Variants in CPA6 observed in about 807,000 individuals in gnomAD.
The protein encoded by CPA6 is carboxypeptidase A6, also known as carboxypeptidase B.
In CPA6, 58 loss-of-function variants were observed where a neutral mutation model predicts 63.3. That is an observed-to-expected ratio of 0.92 (90% CI 0.74 to 1.14). The LOEUF is 1.14. Ranked by LOEUF, CPA6 falls within the 50% of genes most tolerant of loss-of-function variation. The pLI, the probability that CPA6 is intolerant of heterozygous loss-of-function variation, is 0.00. For synonymous variants in CPA6, 185 were observed against 179.0 expected, an observed-to-expected ratio of 1.03 and a Z score of -0.27; for missense variants, 565 against 526.6, an observed-to-expected ratio of 1.07 and a Z score of -0.71.
At chr8:67,499,042 A>G (rs552793869) in intron 6 of CPA6, among the ~76,000 whole-genome samples, 3 of 152,252 alleles carry the variant, frequency 2.0e-5, no homozygotes, top group Non-Finnish European at 4.4e-5. Context: ...GCAATTTTCA[A>G]AATAATAAAA....
At position 67,610,445 on chromosome 8, in the gene CPA6, A is replaced by G. The variant is rs1440130438; in HGVS notation, c.192+13731T>C. Reference sequence around the variant, plus strand: ...ACCATTTCCCCCCAAGTCTCTCAGCACCTCCTCAGTTATTCACATTATTCT... The same window carrying G: ...ACCATTTCCCCCCAAGTCTCTCAGCGCCTCCTCAGTTATTCACATTATTCT... On this transcript the variant is annotated intron_variant, in intron 2 of 10. Transcript: ENST00000297770. 3.3e-5 allele frequency among the ~76,000 whole-genome samples: 5 copies of G among 152,096 alleles called. No individual in the cohort carries two copies. The East Asian group carries it at 9.6e-4, about 29-fold the overall frequency.
chr8:67,711,387 A>G (rs1312587993), intron 1 of CPA6, among the ~76,000 whole-genome samples: 2 of 152,238 alleles, frequency 1.3e-5, no homozygotes, highest in Non-Finnish European at 2.9e-5. Context: ...TACAGAAAAT[A>G]TCAGATTTAT....
intron 1 of CPA6, among the ~76,000 whole-genome samples, chr8:67,689,273 T>G (rs2380429): frequency 2.0e-5 from 1 of 51,050 alleles, no homozygotes; most frequent in Non-Finnish European, 3.4e-5. Flanking sequence ...AACTTCTTCT[T>G]CAAAAAAATT....
intron 2 of CPA6, among the ~76,000 whole-genome samples, chr8:67,604,346 G>A (rs1171691521): frequency 6.6e-5 from 10 of 152,100 alleles, no homozygotes; most frequent in Non-Finnish European, 1.2e-4. Flanking sequence ...AGAAGGAAGC[G>A]GTGGTTATTC....
chr8:67,456,343 C>T (rs1195371277), intron 8 of CPA6, among the ~76,000 whole-genome samples: 1 of 152,284 alleles, frequency 6.6e-6, no homozygotes, highest in Non-Finnish European at 1.5e-5. Flanking sequence ...TACAAATTGT[C>T]GTGTATGGCA....
chr8:67,593,835 C>G (rs1193692836), intron 2 of CPA6, among the ~76,000 whole-genome samples: 2 of 148,588 alleles, frequency 1.3e-5, no homozygotes, highest in Non-Finnish European at 1.5e-5. Context: ...GACTCTTTAT[C>G]CAACTTGCCA....
intron 8 of CPA6, among the ~76,000 whole-genome samples, chr8:67,482,787 T>C (rs1811386862): frequency 6.6e-6 from 1 of 152,256 alleles, no homozygotes; most frequent in Non-Finnish European, 1.5e-5. Context: ...ACTGAGCTAG[T>C]AATGGTAGAA....
intron 3 of CPA6, 67 bp from the exon 4 acceptor site, chr8:67,511,722 G>A: frequency 3.4e-6 from 3 of 871,712 alleles, no homozygotes; most frequent in Admixed American, 1.8e-5. Context: ...GCAACACCCA[G>A]AAAAAATCAT....
intron 6 of CPA6, among the ~76,000 whole-genome samples, chr8:67,496,553 A>T (rs868340932): frequency 9.1e-5 from 11 of 120,422 alleles, no homozygotes; most frequent in Non-Finnish European, 1.7e-4. Context: ...ATATATATAT[A>T]TATATTTATT....
At chr8:67,594,072 A>C (rs911219158) in intron 2 of CPA6, among the ~76,000 whole-genome samples, 8 of 151,872 alleles carry the variant, frequency 5.3e-5, no homozygotes, top group Non-Finnish European at 1.2e-4. Context: ...CTTGTAGGGC[A>C]GGCCTGGTGG....
intron 1 of CPA6, among the ~76,000 whole-genome samples, chr8:67,687,254 C>T (rs1816726243): frequency 6.6e-6 from 1 of 152,190 alleles, no homozygotes; most frequent in Non-Finnish European, 1.5e-5. Context: ...GGGCCTCAGT[C>T]CTGAGCCTTG....
chr8:67,616,334 G>C (rs1311890897), intron 2 of CPA6, among the ~76,000 whole-genome samples: 2 of 152,134 alleles, frequency 1.3e-5, no homozygotes, highest in East Asian at 3.9e-4. Flanking sequence ...ACTACAGTAT[G>C]GAGAACAAAT....
At chr8:67,631,766 T>G (rs1052447738) in intron 1 of CPA6, among the ~76,000 whole-genome samples, 1 of 152,124 alleles carries the variant, frequency 6.6e-6, no homozygotes, top group East Asian at 1.9e-4. Context: ...TAACACTCAC[T>G]GCGAAGATCT....
rs368243285 is a variant in CPA6, at chr8:67,713,083, ATGTGTG to A, written c.116+32925_116+32930del. ...TAAGCATGTGTGTATCTGTGTGTGTATGTGTGTGTGTGTGTGTATATATATATATAT... is the reference window on the plus strand; with the variant it reads ...TAAGCATGTGTGTATCTGTGTGTGTATGTGTGTGTGTATATATATATATAT... On this transcript the variant is annotated intron_variant, in intron 1 of 10. Transcript: ENST00000297770. 1.5e-3 allele frequency among the ~76,000 whole-genome samples: 114 copies of A among 75,764 alleles called. 2 individuals are homozygous for A. Among genetic ancestry groups the A allele is most frequent in the Admixed American group, 2.4e-3 (13 of 5,528 alleles). 49.7% of individuals were successfully genotyped at this position (75,764 alleles called of 152,430 possible).
chr8:67,427,580 T>C (rs1452238875), intron 10 of CPA6, among the ~76,000 whole-genome samples: 1 of 152,162 alleles, frequency 6.6e-6, no homozygotes, highest in Admixed American at 6.6e-5. Flanking sequence ...AAAAAAGAAA[T>C]ACTTTTACAT....
intron 8 of CPA6, among the ~76,000 whole-genome samples, chr8:67,450,477 G>A (rs1054646549): frequency 5.3e-5 from 8 of 152,194 alleles, no homozygotes; most frequent in Non-Finnish European, 8.8e-5. Flanking sequence ...CACTCCTGAA[G>A]TCTAGAGACT....
At position 67,726,620 on chromosome 8, in the gene CPA6, A is replaced by G. The variant is rs139310777; in HGVS notation, c.116+19394T>C. On this transcript the variant is annotated intron_variant, in intron 1 of 10. Coordinates refer to ENST00000297770, the MANE Select transcript of CPA6 (RefSeq NM_020361.5). ...TTCAAATGCTTTTTTCCTAACTTTT[A>G]AATAAAAATCTAAATACAGATTTAA... Among the ~76,000 whole-genome samples, 1,206 of 152,332 alleles carry G rather than the reference A, an allele frequency of 7.9e-3. 18 individuals carry two copies. The highest frequency in any genetic ancestry group is 0.028 in the African/African-American group (1,147 of 41,558).
intron 2 of CPA6, among the ~76,000 whole-genome samples, chr8:67,564,439 A>C (rs1458007331): frequency 6.8e-6 from 1 of 147,762 alleles, no homozygotes; most frequent in African/African-American, 2.5e-5. Flanking sequence ...TATGTTTTGG[A>C]TATAGAGAAC....
chr8:67,640,653 C>A (rs534185826), intron 1 of CPA6, among the ~76,000 whole-genome samples: 10 of 151,466 alleles, frequency 6.6e-5, no homozygotes, highest in African/African-American at 2.2e-4. Flanking sequence ...GGGTCTCAGC[C>A]TCAGCTTGGG....
Sources: allele counts gnomAD v4.1 joint callset (sites outside exome capture counted in the v4.1 genomes callset), GRCh38; gene constraint gnomAD v4.1.1; transcripts MANE v1.5; gene names NCBI Gene and HGNC (gene_info 2026-07-23, HGNC 2026-07-21).